The following MDGA2 variants were observed in gnomAD, a reference collection of about 807,000 sequenced individuals.
MDGA2 encodes MAM domain containing glycosylphosphatidylinositol anchor 2.
MDGA2 carries 40 observed loss-of-function variants against 117.8 expected under a neutral mutation model. The observed-to-expected ratio is 0.34, with a 90% confidence interval of 0.26 to 0.44. MDGA2 has a LOEUF of 0.44. Ranked by LOEUF, MDGA2 falls within the 20% of genes least tolerant of loss-of-function variation. The probability of loss-of-function intolerance (pLI) is 1.00; values close to 1 mark genes in which losing one functional copy is unlikely to be tolerated. For synonymous variants in MDGA2, 452 were observed against 439.0 expected, an observed-to-expected ratio of 1.03 and a Z score of -0.37; for missense variants, 1,123 against 1,250.6, an observed-to-expected ratio of 0.90 and a Z score of 1.54.
intron 16 of MDGA2, among the ~76,000 whole-genome samples, chr14:46,844,358 C>T (rs1199412453): frequency 1.3e-5 from 2 of 151,880 alleles, no homozygotes; most frequent in Non-Finnish European, 2.9e-5. Flanking sequence ...GGCAGGTGGA[C>T]CACCTGAGGT....
chr14:46,862,503 T>C (rs1881552056), intron 14 of MDGA2, among the ~76,000 whole-genome samples: 1 of 150,362 alleles, frequency 6.7e-6, no homozygotes, highest in South Asian at 2.1e-4. Context: ...AATTTTACTT[T>C]TAATTATTGT....
chr14:46,971,832 A>G (rs997128121), intron 8 of MDGA2, among the ~76,000 whole-genome samples: 2 of 152,126 alleles, frequency 1.3e-5, no homozygotes, highest in African/African-American at 4.8e-5. Flanking sequence ...TCCACCTTCT[A>G]TGCATGTAAC....
At chr14:46,904,482 T>C (rs1412094635) in intron 10 of MDGA2, among the ~76,000 whole-genome samples, 3 of 152,118 alleles carry the variant, frequency 2.0e-5, no homozygotes, top group Non-Finnish European at 4.4e-5. Flanking sequence ...TCAGTCAAAA[T>C]TGGGTCGAAT....
intron 8 of MDGA2, among the ~76,000 whole-genome samples, chr14:46,989,536 T>C (rs1411054629): frequency 6.6e-6 from 1 of 152,008 alleles, no homozygotes; most frequent in Admixed American, 6.6e-5. Flanking sequence ...AGACTAAATA[T>C]TACATCAACT....
intron 2 of MDGA2, among the ~76,000 whole-genome samples, chr14:47,284,103 A>G (rs1888590959): frequency 6.6e-6 from 1 of 152,202 alleles, no homozygotes; most frequent in Non-Finnish European, 1.5e-5. Context: ...CAAAGGAACA[A>G]ATAAGGTAAA....
At chr14:47,302,839 T>C (rs1349282886) in intron 1 of MDGA2, among the ~76,000 whole-genome samples, 2 of 152,164 alleles carry the variant, frequency 1.3e-5, no homozygotes, top group African/African-American at 4.8e-5. Context: ...TGTATTTCAT[T>C]ATCTTTCTCA....
intron 1 of MDGA2, among the ~76,000 whole-genome samples, chr14:47,452,050 G>T (rs1273141122): frequency 1.3e-5 from 2 of 152,090 alleles, no homozygotes; most frequent in Non-Finnish European, 2.9e-5. Context: ...AAATCTTAAA[G>T]AAGACATGTT....
chr14:47,227,121 T>C (rs1416801964), intron 2 of MDGA2, among the ~76,000 whole-genome samples: 2 of 152,138 alleles, frequency 1.3e-5, no homozygotes, highest in African/African-American at 2.4e-5. Flanking sequence ...TAGGAGATAA[T>C]AGGTGTTCTG....
rs143868200 is a variant in MDGA2, at chr14:47,466,196, G to A, written c.281-164646C>T. ...GTGGAGGGTGGGAGGAGGGAGAGGA[G>A]CAGAAAATATAACTATGGGGTACTG... On this transcript the variant is annotated intron_variant, in intron 1 of 16. Transcript: ENST00000399232. Among the ~76,000 whole-genome samples the A allele has an allele frequency of 4.2e-3, 637 of 151,980 alleles. 4 individuals carry two copies. The highest frequency in any genetic ancestry group is 0.015 in the African/African-American group (606 of 41,490).
At chr14:46,880,803 C>CAAAA (rs568224124) in intron 11 of MDGA2, among the ~76,000 whole-genome samples, 76 of 53,974 alleles carry the variant, frequency 1.4e-3, no homozygotes, top group African/African-American at 3.0e-3. Context: ...ATCCCGTCTC[C>CAAAA]AAAAAAAAAA....
chr14:47,651,216 G>A lies in MDGA2; in HGVS notation c.280+23301C>T, dbSNP rs1566559266. ...GATTCTGTGTGTGTGTGCATGTGGT[G>A]TGTGTGTGTGTGTGTGTGTGTGTGT... On this transcript the variant is annotated intron_variant, in intron 1 of 16. Coordinates refer to ENST00000399232, the MANE Select transcript of MDGA2 (RefSeq NM_001113498.3). Among the ~76,000 whole-genome samples the A allele has an allele frequency of 9.7e-4, 4 of 4,134 alleles. No individual in the cohort carries two copies. In the South Asian group the frequency reaches 0.023, roughly 23 times the overall value. 2.7% of individuals were successfully genotyped at this position (4,134 alleles called of 152,430 possible).
chr14:46,843,353 T>C (rs1880695390), intron 16 of MDGA2, among the ~76,000 whole-genome samples: 3 of 152,144 alleles, frequency 2.0e-5, no homozygotes, highest in African/African-American at 7.2e-5. Flanking sequence ...GCTTACATTA[T>C]GAAAATGTAA....
At chr14:47,648,170 G>A (rs949568188) in intron 1 of MDGA2, among the ~76,000 whole-genome samples, 2 of 152,104 alleles carry the variant, frequency 1.3e-5, no homozygotes, top group Non-Finnish European at 1.5e-5. Context: ...TAAGAGACAT[G>A]AATACAGATT....
At chr14:47,324,559 T>C (rs887560523) in intron 1 of MDGA2, among the ~76,000 whole-genome samples, 1 of 152,164 alleles carries the variant, frequency 6.6e-6, no homozygotes, top group Non-Finnish European at 1.5e-5. Flanking sequence ...TTTATCAATA[T>C]TATCACAAGA....
chr14:47,248,377 G>C (rs1268105906), intron 2 of MDGA2, among the ~76,000 whole-genome samples: 3 of 151,558 alleles, frequency 2.0e-5, no homozygotes, highest in South Asian at 2.1e-4. Flanking sequence ...TCACAGAAGA[G>C]AGAATATCAT....
intron 1 of MDGA2, among the ~76,000 whole-genome samples, chr14:47,616,087 A>G (rs930966405): frequency 7.9e-5 from 12 of 152,222 alleles, no homozygotes; most frequent in African/African-American, 2.2e-4. Flanking sequence ...AAATCTCAGC[A>G]TAAGACCAAT....
chr14:47,328,255 T>C (rs997605936), intron 1 of MDGA2, among the ~76,000 whole-genome samples: 1 of 152,088 alleles, frequency 6.6e-6, no homozygotes, highest in African/African-American at 2.4e-5. Context: ...TAGACACAAA[T>C]TCCTGAAGAA....
chr14:47,670,771 G>C (rs920281014), intron 1 of MDGA2, among the ~76,000 whole-genome samples: 2 of 152,064 alleles, frequency 1.3e-5, no homozygotes, highest in African/African-American at 4.8e-5. Flanking sequence ...GTTTAATTAA[G>C]CTAAAAGGAA....
chr14:47,022,013 A>C (rs1348454244), intron 8 of MDGA2, among the ~76,000 whole-genome samples: 1 of 152,198 alleles, frequency 6.6e-6, no homozygotes, highest in Non-Finnish European at 1.5e-5. Flanking sequence ...GTACGTGTAG[A>C]GTTATAACTT....
Sources: gnomAD v4.1 joint callset for allele counts (sites outside exome capture counted in the v4.1 genomes callset) on GRCh38, gnomAD v4.1.1 for gene constraint, MANE v1.5 for transcripts, NCBI Gene and HGNC (gene_info 2026-07-23, HGNC 2026-07-21) for gene names.